SNTG1: variants seen among roughly 807,000 people sequenced by gnomAD.
SNTG1 encodes the protein syntrophin gamma 1.
SNTG1 carries 39 observed loss-of-function variants against 74.7 expected under a neutral mutation model. The ratio of observed to expected loss-of-function variants is 0.52; its 90% CI spans 0.40 to 0.68. The LOEUF (loss-of-function observed/expected upper bound fraction) is 0.68. SNTG1 is among the 30% of genes least tolerant of loss of function. The pLI is 0.00. For missense variants in SNTG1, 685 were observed against 609.5 expected (o/e 1.12, Z -1.30); for synonymous variants, 254 against 217.1 (o/e 1.17, Z -1.49).
chr8:50,623,271 G>A (rs2094935273), intron 13 of SNTG1, among the ~76,000 whole-genome samples: 1 of 152,032 alleles, frequency 6.6e-6, no homozygotes, highest in South Asian at 2.1e-4. Context: ...AAAAATTTCA[G>A]TTTTCACCAC....
intron 17 of SNTG1, among the ~76,000 whole-genome samples, chr8:50,750,474 A>G (rs564994595): frequency 6.6e-6 from 1 of 152,172 alleles, no homozygotes; most frequent in Admixed American, 6.5e-5. Flanking sequence ...TTCTGTGGGT[A>G]AAATGCTATT....
rs186654500 is a variant in SNTG1, at chr8:50,579,836, T to C, written c.811-11043T>C. Among the ~76,000 whole-genome samples the C allele has an allele frequency of 5.4e-4, 83 of 152,298 alleles. 2 individuals carry two copies. Among genetic ancestry groups the C allele is most frequent in the Non-Finnish European group, 1.5e-5 (1 of 68,014 alleles). On this transcript the variant is annotated intron_variant, in intron 12 of 18. Transcript: ENST00000642720. ...ATGTCTGGGTGTCCAGGCAGAAGTTTGCTGCAGCAGTGGAGCCCTCATGGA... is the reference window on the plus strand; with the variant it reads ...ATGTCTGGGTGTCCAGGCAGAAGTTCGCTGCAGCAGTGGAGCCCTCATGGA...
intron 18 of SNTG1, among the ~76,000 whole-genome samples, chr8:50,791,120 T>C (rs977335350): frequency 6.6e-6 from 1 of 151,914 alleles, no homozygotes; most frequent in African/African-American, 2.4e-5. Flanking sequence ...GAGAAAGTAT[T>C]TAAAATGTGT....
chr8:50,660,070 G>A (rs778538023), intron 15 of SNTG1, among the ~76,000 whole-genome samples: 5 of 151,968 alleles, frequency 3.3e-5, no homozygotes, highest in Admixed American at 6.6e-5. Context: ...GAACTCCTGA[G>A]CTCAGGCAAT....
At chr8:50,775,968 C>T (rs2095639597) in intron 18 of SNTG1, among the ~76,000 whole-genome samples, 1 of 151,388 alleles carries the variant, frequency 6.6e-6, no homozygotes, top group South Asian at 2.1e-4. Flanking sequence ...CATTCTTTTA[C>T]TTTAAATATA....
At chr8:50,651,205 C>T (rs2095143311) in intron 13 of SNTG1, among the ~76,000 whole-genome samples, 2 of 151,102 alleles carry the variant, frequency 1.3e-5, no homozygotes, top group South Asian at 4.2e-4. Context: ...TTCATTAGTG[C>T]CTGCATCCAA....
At chr8:50,211,969 G>A (rs970697848) in intron 2 of SNTG1, among the ~76,000 whole-genome samples, 2 of 152,012 alleles carry the variant, frequency 1.3e-5, no homozygotes, top group Admixed American at 1.3e-4. Context: ...AAAAAGACAG[G>A]CTGTTATATG....
At chr8:50,431,271 C>T (rs961639656) in intron 4 of SNTG1, among the ~76,000 whole-genome samples, 11 of 152,102 alleles carry the variant, frequency 7.2e-5, no homozygotes, top group East Asian at 1.9e-4. Context: ...GATTCTGTGT[C>T]AATGTGGGTT....
rs371401025 is a variant in SNTG1, at chr8:49,984,291, C to T, written c.-103+72060C>T. Among the ~76,000 whole-genome samples the T allele has an allele frequency of 7.2e-5, 11 of 151,906 alleles. No homozygotes were observed. The East Asian group carries it at 9.7e-4, about 13-fold the overall frequency. On this transcript the variant is annotated intron_variant, in intron 1 of 18. Transcript: ENST00000642720. ...CATGATCTCGGCTCACTGCATCTTC[C>T]GCCTCCCAGATTCAAGCGATTCTCC...
intron 2 of SNTG1, among the ~76,000 whole-genome samples, chr8:50,345,224 A>G (rs2091437011): frequency 1.3e-5 from 2 of 152,238 alleles, no homozygotes; most frequent in African/African-American, 4.8e-5. Context: ...ATGGTGGAAC[A>G]GGCACAGAAT....
intron 1 of SNTG1, among the ~76,000 whole-genome samples, chr8:50,015,504 A>G (rs1213763677): frequency 6.7e-6 from 1 of 148,606 alleles, no homozygotes; most frequent in African/African-American, 2.6e-5. Context: ...ACAATTTTCC[A>G]AATTTGTGTA....
chr8:49,962,711 C>T (rs937384759), intron 1 of SNTG1, among the ~76,000 whole-genome samples: 2 of 152,180 alleles, frequency 1.3e-5, no homozygotes, highest in South Asian at 4.1e-4. Context: ...GCTTCTGCCT[C>T]AGCCTCCTGA....
At chr8:50,220,707 T>A (rs2085021076) in intron 2 of SNTG1, among the ~76,000 whole-genome samples, 1 of 152,174 alleles carries the variant, frequency 6.6e-6, no homozygotes, top group Non-Finnish European at 1.5e-5. Context: ...GGAAGAGGGT[T>A]GTGGCCCTGA....
At chr8:50,737,146 C>T (rs1227628240) in intron 17 of SNTG1, among the ~76,000 whole-genome samples, 1 of 150,916 alleles carries the variant, frequency 6.6e-6, no homozygotes, top group Non-Finnish European at 1.5e-5. Context: ...AAAAGAGTAA[C>T]AAAATAGACC....
upstream of SNTG1, chr8:49,910,746 T>C (rs1563335956): frequency 6.6e-6 from 1 of 152,268 alleles, no homozygotes. Context: ...AGAGGGAAAA[T>C]GGGCTGAAAA....
chr8:50,668,129 A>G (rs2131325744), intron 15 of SNTG1, among the ~76,000 whole-genome samples: 1 of 152,162 alleles, frequency 6.6e-6, no homozygotes, highest in Non-Finnish European at 1.5e-5. Context: ...TTCCTGTCTT[A>G]AAAATATAAT....
chr8:50,777,721 C>T (rs1335086325), intron 18 of SNTG1, among the ~76,000 whole-genome samples: 3 of 150,098 alleles, frequency 2.0e-5, no homozygotes, highest in East Asian at 2.0e-4. Flanking sequence ...TATTATTATA[C>T]TTTAAGTTGT....
chr8:50,496,995 T>C (rs939804741), intron 8 of SNTG1, among the ~76,000 whole-genome samples: 35 of 122,402 alleles, frequency 2.9e-4, no homozygotes, highest in Admixed American at 1.1e-3. Flanking sequence ...AAAAAAACAC[T>C]ATCTCAATCC....
At chr8:50,031,586 T>C (rs1817742992) in intron 1 of SNTG1, among the ~76,000 whole-genome samples, 1 of 152,074 alleles carries the variant, frequency 6.6e-6, no homozygotes, top group Non-Finnish European at 1.5e-5. Flanking sequence ...ATGTATATGA[T>C]TATTTGATAT....
Sources: allele counts gnomAD v4.1 joint callset (sites outside exome capture counted in the v4.1 genomes callset), GRCh38; gene constraint gnomAD v4.1.1; transcripts MANE v1.5; gene names NCBI Gene and HGNC (gene_info 2026-07-23, HGNC 2026-07-21).